The following CD302 variants were observed in gnomAD, a reference collection of about 807,000 sequenced individuals.
The protein encoded by CD302 is CD302 antigen.
CD302 carries 23 observed loss-of-function variants against 26.5 expected under a neutral mutation model. The observed-to-expected ratio is 0.87, with a 90% CI of 0.62 to 1.23. CD302 has a LOEUF of 1.23. Ranked by LOEUF, CD302 falls within the 50% of genes most tolerant of loss-of-function variation. The pLI is 0.00. For synonymous variants in CD302, 90 were observed against 99.4 expected (o/e 0.91, Z 0.56); for missense variants, 290 against 275.5 (o/e 1.05, Z -0.37).
chr2:159,778,053 ACCCT>A, intron 4 of CD302, 89 bp from the exon 5 acceptor site: 1 of 500,094 alleles, frequency 2.0e-6, no homozygotes, highest in Non-Finnish European at 3.1e-6. Flanking sequence ...TTAAAAATAA[ACCCT>A]TTTATTAGTA....
chr2:159,789,904 T>C (rs1290766549), intron 1 of CD302, among the ~76,000 whole-genome samples: 1 of 152,226 alleles, frequency 6.6e-6, no homozygotes, highest in Non-Finnish European at 1.5e-5. Context: ...ACTGTTGGGC[T>C]CACCTCAGCA....
At chr2:159,794,319 CTA>C (rs1708892193) in intron 1 of CD302, among the ~76,000 whole-genome samples, 1 of 81,344 alleles carries the variant, frequency 1.2e-5, no homozygotes, top group African/African-American at 4.3e-5. Context: ...AAAAAAAACA[CTA>C]AATAACCCAC....
At chr2:159,793,681 C>T (rs1274624729) in intron 1 of CD302, among the ~76,000 whole-genome samples, 2 of 152,034 alleles carry the variant, frequency 1.3e-5, no homozygotes, top group Admixed American at 1.3e-4. Flanking sequence ...AGTGGCTGTT[C>T]CAAGTCCCTG....
At chr2:159,785,236 A>T (rs1264686583) in intron 1 of CD302, among the ~76,000 whole-genome samples, 1 of 152,148 alleles carries the variant, frequency 6.6e-6, no homozygotes, top group Non-Finnish European at 1.5e-5. Flanking sequence ...TGGGCTTCCG[A>T]AGTGCTGGGA....
In CD302 at chr2:159,770,405, G is replaced by T. The variant is rs1708101677; in HGVS notation, c.*1446C>A. 6.6e-6 allele frequency: 1 copy of T among 152,130 alleles called. No homozygotes were observed. Among genetic ancestry groups the T allele is most frequent in the Non-Finnish European group, 1.5e-5 (1 of 68,008 alleles). 9.4% of individuals were successfully genotyped at this position (152,130 alleles called of 1,614,324 possible). On this transcript the variant is annotated 3_prime_UTR_variant, in exon 6 of 6. Coordinates refer to ENST00000259053, the MANE Select transcript of CD302 (RefSeq NM_014880.5). ...TTTTAGTTACTCATGTCTCATTAAT[G>T]ATAGTGCCATTAATTGTGATGAGTG...
rs1489747790 is a variant in CD302 at position 159,783,569 on chromosome 2, A to G, written c.68-100T>C. 26 of 798,974 alleles carry G rather than the reference A, an allele frequency of 3.3e-5. No individual in the cohort carries two copies. In the East Asian group the frequency reaches 7.2e-4, roughly 22 times the overall value. 49.5% of individuals were successfully genotyped at this position (798,974 alleles called of 1,614,324 possible). On this transcript the variant is annotated intron_variant, in intron 1 of 5. Transcript: ENST00000259053. The stretch of plus-strand genomic sequence containing the variant: ...TTAGATACTAAATTTTCACACACAC[A>G]CAAAGGCAATTTCCTTTGTTAAATC...
chr2:159,779,244 A>C (rs1045574714), intron 4 of CD302, among the ~76,000 whole-genome samples: 4 of 151,292 alleles, frequency 2.6e-5, no homozygotes, highest in Non-Finnish European at 5.9e-5. Flanking sequence ...AAAAAAAAAA[A>C]AAAAAAAAAA....
chr2:159,776,548 T>C (rs955209752), intron 5 of CD302, among the ~76,000 whole-genome samples: 1 of 152,204 alleles, frequency 6.6e-6, no homozygotes, highest in African/African-American at 2.4e-5. Context: ...ATATCCACAC[T>C]AATGCTTGTT....
intron 1 of CD302, among the ~76,000 whole-genome samples, chr2:159,793,166 A>G (rs1708854568): frequency 6.6e-6 from 1 of 152,218 alleles, no homozygotes; most frequent in Admixed American, 6.5e-5. Flanking sequence ...CCTGAATGAT[A>G]GGTTGTTATT....
At chr2:159,781,265 G>C (rs1708497624) in intron 2 of CD302, among the ~76,000 whole-genome samples, 1 of 152,058 alleles carries the variant, frequency 6.6e-6, no homozygotes, top group Admixed American at 6.6e-5. Context: ...AATAGTTGTA[G>C]GGGCTGGGCG....
At chr2:159,788,105 C>CA (rs11314559) in intron 1 of CD302, among the ~76,000 whole-genome samples, 14,428 of 138,110 alleles carry the variant, frequency 0.1, 860 homozygotes, top group Middle Eastern at 0.14. Context: ...GACTCCGTCT[C>CA]AAAAAAAAAA....
Position 159,771,942 on chromosome 2 carries a change from G to C in CD302, c.608C>G (p.Thr203Arg). 1.9e-6 allele frequency: 3 copies of C among 1,613,136 alleles called. No individual in the cohort carries two copies. The highest frequency in any genetic ancestry group is 2.5e-6 in the Non-Finnish European group (3 of 1,179,810). The change falls in exon 6 of 6, where the codon ACA (threonine) becomes AGA (arginine). Residue 203 changes from threonine (T) to arginine (R), a missense_variant. Transcript: ENST00000259053. ...YKKHSDSRFT[T>R]VFSTAPQSPY... ...TGATTGGGGTGCGGTTGAAAAAACT[G>C]TGGTGAAACGAGAATCAGAATGTTT...
At chr2:159,788,770 T>C (rs1001982236) in intron 1 of CD302, among the ~76,000 whole-genome samples, 1 of 152,244 alleles carries the variant, frequency 6.6e-6, no homozygotes, top group African/African-American at 2.4e-5. Flanking sequence ...ACTTTCTGAA[T>C]CTGTGGCTTA....
rs1708076935 is a variant in CD302, at chr2:159,769,809, G to C, written c.*2042C>G. On this transcript the variant is annotated 3_prime_UTR_variant, in exon 6 of 6. Coordinates refer to ENST00000259053, the MANE Select transcript of CD302 (RefSeq NM_014880.5). ...AAGAAAGTTGTATGGGAGTTGAGTG[G>C]AAGGTAGGATTTAAGAGCAGCACTG... 1 of 152,202 alleles carries C rather than the reference G, an allele frequency of 6.6e-6. No individual in the cohort carries two copies. Among genetic ancestry groups the C allele is most frequent in the Non-Finnish European group, 1.5e-5 (1 of 68,036 alleles). The allele number at this position is 152,202 out of a possible 1,614,324, so 9.4% of individuals were successfully genotyped here.
chr2:159,781,123 G>T, intron 2 of CD302, 125 bp from the exon 3 acceptor site: 1 of 745,354 alleles, frequency 1.3e-6, no homozygotes, highest in Non-Finnish European at 2.1e-6. Flanking sequence ...AATAAACTTT[G>T]ATCTTACAGT....
chr2:159,783,268 G>C lies in CD302; in HGVS notation c.178+91C>G, dbSNP rs967588010. The C allele has an allele frequency of 9.4e-6, 10 of 1,063,748 alleles. No homozygotes were observed. In the South Asian group the frequency reaches 2.0e-4, roughly 22 times the overall value. 65.9% of individuals were successfully genotyped at this position (1,063,748 alleles called of 1,614,324 possible). A position where few individuals can be genotyped will look rare whatever the true frequency, so the allele number is the denominator to read the frequency against. On this transcript the variant is annotated intron_variant, in intron 2 of 5. Transcript: ENST00000259053. Reference sequence around the variant, plus strand: ...ATTAAATCTCAGGACCCAGTTAAAAGTCAGATGTGACAAAATCAATTTTTA... The same window carrying C: ...ATTAAATCTCAGGACCCAGTTAAAACTCAGATGTGACAAAATCAATTTTTA...
intron 5 of CD302, among the ~76,000 whole-genome samples, chr2:159,776,980 G>GC (rs1355018640): frequency 1.3e-5 from 2 of 152,222 alleles, no homozygotes; most frequent in African/African-American, 4.8e-5. Context: ...GGGTGGCTGG[G>GC]CATGGCGGCC....
intron 2 of CD302, chr2:159,781,615 AGAG>A (rs1013432118): frequency 6.6e-5 from 10 of 151,690 alleles, no homozygotes; most frequent in African/African-American, 9.7e-5. Flanking sequence ...AAGAAAGAAA[AGAG>A]GAAGAAGAAA....
chr2:159,787,737 A>G (rs560970839), intron 1 of CD302, among the ~76,000 whole-genome samples: 1 of 152,218 alleles, frequency 6.6e-6, no homozygotes, highest in African/African-American at 2.4e-5. Context: ...ACTGACTGGG[A>G]TAATTTTCCA....
Sources: gnomAD v4.1 joint callset for allele counts (sites outside exome capture counted in the v4.1 genomes callset) on GRCh38, gnomAD v4.1.1 for gene constraint, MANE v1.5 for transcripts, NCBI Gene and HGNC (gene_info 2026-07-23, HGNC 2026-07-21) for gene names.